HEXB: variants seen among roughly 807,000 people sequenced by gnomAD.
HEXB encodes the protein beta-hexosaminidase subunit beta.
In HEXB, 51 loss-of-function variants were observed where a neutral mutation model predicts 71.2. That is an observed-to-expected ratio of 0.72 (90% CI 0.57 to 0.90). The LOEUF is 0.90. HEXB is among the 40% of genes least tolerant of loss of function. The probability of loss-of-function intolerance (pLI) is 0.00; values close to 1 mark genes in which losing one functional copy is unlikely to be tolerated. For synonymous variants in HEXB, 266 were observed against 249.3 expected, an observed-to-expected ratio of 1.07 and a Z score of -0.63; for missense variants, 617 against 677.0, an observed-to-expected ratio of 0.91 and a Z score of 0.98.
chr5:74,685,506 C>A lies in HEXB; in HGVS notation c.246C>A (p.Ser82Arg). 1 of 1,607,402 alleles carries A rather than the reference C, an allele frequency of 6.2e-7. No individual in the cohort carries two copies. Among genetic ancestry groups the A allele is most frequent in the Non-Finnish European group, 8.5e-7 (1 of 1,177,182 alleles). The change falls in exon 1 of 14, where the codon AGC becomes AGA. Residue 82 changes from serine to arginine, a missense_variant. Ser to Arg is a moderately radical substitution (Grantham distance 110). Coordinates refer to ENST00000261416, the MANE Select transcript of HEXB (RefSeq NM_000521.4). ...CGGAGAACTTCTACATCAGCCACAGCCCCAATTCCACGGCGGGCCCCTCCT... is the reference window on the plus strand; with the variant it reads ...CGGAGAACTTCTACATCAGCCACAGACCCAATTCCACGGCGGGCCCCTCCT... ...LAPENFYISHSPNSTAGPSCT... is the reference protein window; with the variant it reads ...LAPENFYISHRPNSTAGPSCT...
intron 5 of HEXB, among the ~76,000 whole-genome samples, chr5:74,699,499 T>C (rs1001723703): frequency 1.8e-4 from 28 of 152,108 alleles, no homozygotes; most frequent in African/African-American, 6.5e-4. Flanking sequence ...GATCTTGAAC[T>C]CCTGACCTCA....
chr5:74,695,583 G>C (rs2972329), intron 3 of HEXB, among the ~76,000 whole-genome samples: 150,663 of 150,674 alleles, frequency 1, 75,326 homozygotes, highest in Middle Eastern at 1. Context: ...GCTCACGCCT[G>C]TAATCCCAGC....
chr5:74,718,779 A>G lies in HEXB; in HGVS notation c.1243-18A>G. 1 of 1,612,982 alleles carries G rather than the reference A, an allele frequency of 6.2e-7. No homozygotes were observed. The highest frequency in any genetic ancestry group is 8.5e-7 in the Non-Finnish European group (1 of 1,178,984). On this transcript the variant is annotated intron_variant, in intron 10 of 13. Coordinates refer to ENST00000261416, the MANE Select transcript of HEXB (RefSeq NM_000521.4). ...TTCTAGGCCTAATAATATGTATTGC[A>G]ATTTGTAACGTTAATAGCTTGCGCC... is the stretch of plus-strand genomic sequence containing the variant.
intron 1 of HEXB, among the ~76,000 whole-genome samples, chr5:74,657,035 C>T (rs934507887): frequency 2.6e-5 from 4 of 152,280 alleles, no homozygotes; most frequent in Admixed American, 1.3e-4. Context: ...CTGATAGGAA[C>T]CCTTTAGCCT....
chr5:74,671,067 C>T (rs1354272151), intron 1 of HEXB, among the ~76,000 whole-genome samples: 2 of 152,070 alleles, frequency 1.3e-5, no homozygotes, highest in Non-Finnish European at 2.9e-5. Flanking sequence ...CGAGAAAAGT[C>T]CTATATCAGT....
rs1009969209 is a variant in HEXB at position 74,641,671 on chromosome 5, G to A, written c.-377+1113G>A. On this transcript the variant is annotated intron_variant, in intron 1 of 13. Transcript: ENST00000511181. This position sits in a 1 kb window ranked among gnomAD's most constrained non-coding sequence, Gnocchi z 4.1. ...ACACACACGTTTAATAGTCCCGCGT[G>A]TCAGGAGAAGGGAAGGCGATTCGAA... Among the ~76,000 whole-genome samples, 2 of 152,228 alleles carry A rather than the reference G, an allele frequency of 1.3e-5. No individual in the cohort carries two copies. The highest frequency in any genetic ancestry group is 4.8e-5 in the African/African-American group (2 of 41,456).
chr5:74,700,627 ATGT>A (rs1343644676), intron 5 of HEXB, among the ~76,000 whole-genome samples: 1 of 151,916 alleles, frequency 6.6e-6, no homozygotes, highest in Non-Finnish European at 1.5e-5. Context: ...TACCCATCAT[ATGT>A]TGTTGTGAAT....
chr5:74,656,761 G>A (rs929780867), intron 1 of HEXB, among the ~76,000 whole-genome samples: 32 of 152,030 alleles, frequency 2.1e-4, no homozygotes, highest in Admixed American at 1.3e-3. Context: ...ACAGGCACAT[G>A]CCACCACACC....
chr5:74,700,146 A>G (rs2112147707), intron 5 of HEXB, among the ~76,000 whole-genome samples: 1 of 150,954 alleles, frequency 6.6e-6, no homozygotes, highest in African/African-American at 2.4e-5. Flanking sequence ...AGCTGGGATT[A>G]CAGGCATGCA....
intron 1 of HEXB, among the ~76,000 whole-genome samples, chr5:74,688,337 T>TC (rs1301236729): frequency 5.8e-5 from 1 of 17,310 alleles, no homozygotes; most frequent in Non-Finnish European, 2.2e-4. Flanking sequence ...CAAAAGGTAC[T>TC]TTTTTTTTTT....
In HEXB at chr5:74,718,970, C is replaced by T. The variant is rs75028516; in HGVS notation, c.1416C>T (p.Gly472=). ...ATAAAGTGGAACCTCTTGATTTTGG[C>T]GGTAAGTGAAGCAGTTGGTCCAAGT... ...KYYKVEPLDF[G]GTQKQKQLFI... is the part of the protein sequence containing the mutation. Residue 472 remains glycine (G), a splice_region_variant and synonymous_variant, in exon 11 of 14, where the codon GGC becomes GGT. Transcript: ENST00000261416. 37 of 1,613,760 alleles carry T rather than the reference C, an allele frequency of 2.3e-5. No homozygotes were observed. The East Asian group carries it at 4.9e-4, about 21-fold the overall frequency.
chr5:74,693,796 C>A, intron 3 of HEXB, 92 bp downstream of exon 3: 1 of 873,196 alleles, frequency 1.1e-6, no homozygotes, highest in South Asian at 1.3e-5. Flanking sequence ...ACTTTGCCGC[C>A]TTAGATCCTT....
intron 6 of HEXB, among the ~76,000 whole-genome samples, chr5:74,709,913 G>C (rs552959188): frequency 1.6e-4 from 25 of 151,930 alleles, no homozygotes; most frequent in Admixed American, 1.0e-3. Flanking sequence ...TAGAAAAAGA[G>C]GGAATCCTCC....
intron 1 of HEXB, among the ~76,000 whole-genome samples, chr5:74,670,948 G>A (rs573148296): frequency 6.6e-5 from 10 of 152,274 alleles, no homozygotes; most frequent in South Asian, 2.1e-4. Flanking sequence ...AATGCAGGCC[G>A]GGTGCAGCCC....
chr5:74,675,896 A>C (rs1172124378), intron 1 of HEXB, among the ~76,000 whole-genome samples: 4 of 152,176 alleles, frequency 2.6e-5, no homozygotes, highest in Non-Finnish European at 5.9e-5. Context: ...CTCAGAGGAA[A>C]TTGAGTGGGG....
At chr5:74,681,348 G>A (rs6898989), upstream of HEXB, among the ~76,000 whole-genome samples, 25,469 of 152,034 alleles carry the variant, frequency 0.17, 2,259 homozygotes, top group East Asian at 0.24. Context: ...TAAACATCAC[G>A]TAATGCACAG....
intron 6 of HEXB, among the ~76,000 whole-genome samples, chr5:74,708,315 A>G (rs917096352): frequency 3.2e-4 from 48 of 152,144 alleles, no homozygotes; most frequent in African/African-American, 1.0e-3. Context: ...AGGAACAACC[A>G]GTACCAGCCG....
chr5:74,705,354 A>C (rs1262083879), intron 6 of HEXB, 34 bp downstream of exon 6: 1 of 1,101,576 alleles, frequency 9.1e-7, no homozygotes, highest in African/African-American at 1.5e-5. Flanking sequence ...GTCTACAAAA[A>C]CATTGGGTAT....
At position 74,720,094 on chromosome 5, in the gene HEXB, T is replaced by C. The variant is rs528206360; in HGVS notation, c.1418-334T>C. On this transcript the variant is annotated intron_variant, in intron 11 of 13. Coordinates refer to ENST00000261416, the MANE Select transcript of HEXB (RefSeq NM_000521.4). ...ACACTACTAAATAGGCAACCAGGGA[T>C]TTAAAAAATGGTTTCTGGTGTCCAG... 37 of 326,930 alleles carry C rather than the reference T, an allele frequency of 1.1e-4. 1 individual carries two copies. The highest frequency in any genetic ancestry group is 8.3e-4 in the South Asian group (25 of 30,000). The allele number at this position is 326,930 out of a possible 1,614,324, so 20.3% of individuals were successfully genotyped here. A position where few individuals can be genotyped will look rare whatever the true frequency, so the allele number is the denominator to read the frequency against.
Sources: allele counts gnomAD v4.1 joint callset (sites outside exome capture counted in the v4.1 genomes callset), GRCh38; gene constraint gnomAD v4.1.1; non-coding constraint Gnocchi (gnomAD v3.1); transcripts MANE v1.5; gene names NCBI Gene and HGNC (gene_info 2026-07-23, HGNC 2026-07-21).